PTTG1IP: variants seen among roughly 807,000 people sequenced by gnomAD.
PTTG1IP encodes the protein PTTG1 interacting protein.
Under a neutral mutation model 24.4 loss-of-function variants are expected in PTTG1IP, and 16 were observed. That is an observed-to-expected ratio of 0.66 (90% confidence interval 0.44 to 1.00). The LOEUF (loss-of-function observed/expected upper bound fraction) is 1.00, where lower values mean the gene tolerates loss of function less well. Among genes scored for constraint, PTTG1IP ranks in the 50% least tolerant of loss-of-function variants. The pLI is 0.00. For missense variants in PTTG1IP, 241 were observed against 245.8 expected (o/e 0.98, Z 0.13); for synonymous variants, 89 against 96.8 (o/e 0.92, Z 0.47).
At chr21:44,865,060 G>A (rs577203513) in intron 2 of PTTG1IP, among the ~76,000 whole-genome samples, 4 of 152,272 alleles carry the variant, frequency 2.6e-5, no homozygotes, top group South Asian at 2.1e-4. Context: ...GGGAAAACAC[G>A]GGCTCACAAC....
chr21:44,860,137 G>A (rs1423601491), intron 3 of PTTG1IP, among the ~76,000 whole-genome samples: 1 of 152,190 alleles, frequency 6.6e-6, no homozygotes, highest in East Asian at 1.9e-4. Context: ...GGGAGGCTGA[G>A]GTGGGCAGAT....
At chr21:44,860,896 C>T (rs1000306069) in intron 3 of PTTG1IP, among the ~76,000 whole-genome samples, 1 of 152,118 alleles carries the variant, frequency 6.6e-6, no homozygotes, top group African/African-American at 2.4e-5. Flanking sequence ...CTCCGCCTCC[C>T]GGGTTCAAGC....
chr21:44,867,206 GTC>G (rs2083548561), intron 1 of PTTG1IP, among the ~76,000 whole-genome samples: 1 of 152,210 alleles, frequency 6.6e-6, no homozygotes, highest in African/African-American at 2.4e-5. Flanking sequence ...TGTTTTACGT[GTC>G]TCTCCTTTGG....
At chr21:44,859,406 A>C (rs1392815184) in intron 3 of PTTG1IP, among the ~76,000 whole-genome samples, 1 of 151,576 alleles carries the variant, frequency 6.6e-6, no homozygotes, top group East Asian at 1.9e-4. Context: ...CGTGTGCATT[A>C]TGTAGGCTAT....
At chr21:44,867,129 A>G (rs905498548) in intron 1 of PTTG1IP, among the ~76,000 whole-genome samples, 1 of 152,258 alleles carries the variant, frequency 6.6e-6, no homozygotes, top group African/African-American at 2.4e-5. Context: ...CAGGGCATCA[A>G]GAATAGCAAA....
At chr21:44,873,015 T>C (rs924603633) in intron 1 of PTTG1IP, 4 of 149,956 alleles carry the variant, frequency 2.7e-5, no homozygotes, top group African/African-American at 7.6e-5. Flanking sequence ...CGCCGGCGGC[T>C]GTAGAGACAC....
chr21:44,857,385 GC>G (rs2083457430), intron 3 of PTTG1IP, among the ~76,000 whole-genome samples: 1 of 152,188 alleles, frequency 6.6e-6, no homozygotes, highest in African/African-American at 2.4e-5. Context: ...GACATGGGAG[GC>G]TGAGGTGGGA....
rs549643623 is a variant in PTTG1IP, at chr21:44,858,460, C to T, written c.278-2096G>A. 4.1e-4 allele frequency among the ~76,000 whole-genome samples: 62 copies of T among 152,326 alleles called. 2 individuals are homozygous for T. The East Asian group carries it at 8.1e-3, about 20-fold the overall frequency. Reference sequence around the variant, plus strand: ...AGCTCAGACAGCCTCTTCCTCCTCCCGGCAGGGCCAGGCACACTTTCTGTT... The same window carrying T: ...AGCTCAGACAGCCTCTTCCTCCTCCTGGCAGGGCCAGGCACACTTTCTGTT... On this transcript the variant is annotated intron_variant, in intron 3 of 5. Coordinates refer to ENST00000330938, the MANE Select transcript of PTTG1IP (RefSeq NM_004339.4).
intron 1 of PTTG1IP, among the ~76,000 whole-genome samples, chr21:44,869,335 G>A (rs1267612993): frequency 6.6e-6 from 1 of 152,330 alleles, no homozygotes; most frequent in African/African-American, 2.4e-5. Flanking sequence ...TTATGAAGAA[G>A]AACAGCCTCC....
chr21:44,861,788 C>T lies in PTTG1IP; in HGVS notation c.169-517G>A, dbSNP rs1367546156. 3 of 717,464 alleles carry T rather than the reference C, an allele frequency of 4.2e-6. No homozygotes were observed. The Admixed American group carries it at 6.0e-5, about 14-fold the overall frequency. 44.4% of individuals were successfully genotyped at this position (717,464 alleles called of 1,614,324 possible). A position where few individuals can be genotyped will look rare whatever the true frequency, so the allele number is the denominator to read the frequency against. On this transcript the variant is annotated intron_variant, in intron 2 of 5. Transcript: ENST00000330938. Reference sequence around the variant, plus strand: ...CCACACGCCGGGCACCTGTGCACTTCACTGGCTGAAGTCTCCCAAGAACAC... The same window carrying T: ...CCACACGCCGGGCACCTGTGCACTTTACTGGCTGAAGTCTCCCAAGAACAC...
intron 2 of PTTG1IP, chr21:44,862,019 C>CT (rs1305643093): frequency 1.6e-6 from 1 of 608,080 alleles, no homozygotes; most frequent in East Asian, 2.8e-5. Context: ...ACGCTCTTGT[C>CT]TGAGCCCCTT....
rs999402423 is a variant in PTTG1IP at position 44,873,363 on chromosome 21, G to A, written c.115+139C>T. The A allele has an allele frequency of 1.3e-4, 114 of 887,396 alleles. No individual in the cohort carries two copies. In the African/African-American group the frequency reaches 1.7e-3, roughly 14 times the overall value. 55.0% of individuals were successfully genotyped at this position (887,396 alleles called of 1,614,324 possible). On this transcript the variant is annotated intron_variant, in intron 1 of 5. Coordinates refer to ENST00000330938, the MANE Select transcript of PTTG1IP (RefSeq NM_004339.4). ...CGGGCGTGACCCTCGAGGAGCCTCC[G>A]TCGGGGCGCTGCCTGCGACCGTGGG... is the stretch of plus-strand genomic sequence containing the variant.
intron 5 of PTTG1IP, among the ~76,000 whole-genome samples, chr21:44,854,155 C>G (rs1468537515): frequency 6.6e-6 from 1 of 152,188 alleles, no homozygotes; most frequent in African/African-American, 2.4e-5. Context: ...TGCCGTCCAC[C>G]CCCCACCCGA....
intron 2 of PTTG1IP, among the ~76,000 whole-genome samples, chr21:44,863,686 T>C (rs1481364608): frequency 2.0e-5 from 3 of 152,156 alleles, no homozygotes; most frequent in Admixed American, 1.3e-4. Flanking sequence ...TGACTTCCAA[T>C]AGAAAAATCC....
At chr21:44,857,178 G>C (rs1225502915) in intron 3 of PTTG1IP, among the ~76,000 whole-genome samples, 3 of 152,314 alleles carry the variant, frequency 2.0e-5, no homozygotes, top group Middle Eastern at 3.4e-3. Context: ...CAATCATGTA[G>C]TTCAAACAGC....
intron 2 of PTTG1IP, chr21:44,861,653 C>A: frequency 1.4e-6 from 1 of 708,590 alleles, no homozygotes; most frequent in Non-Finnish European, 2.6e-6. Context: ...CTGTGTGGCT[C>A]CCCACTGACT....
Position 44,849,998 on chromosome 21 carries a change from G to A in PTTG1IP, c.*1583C>T, listed in dbSNP as rs536603575. The A allele has an allele frequency of 6.6e-6, 1 of 152,336 alleles. No homozygotes were observed. The highest frequency in any genetic ancestry group is 1.5e-5 in the Non-Finnish European group (1 of 68,046). 9.4% of individuals were successfully genotyped at this position (152,336 alleles called of 1,614,324 possible). A position where few individuals can be genotyped will look rare whatever the true frequency, so the allele number is the denominator to read the frequency against. The stretch of plus-strand genomic sequence containing the variant: ...AATGCCCAAGAGGTCAGGGAAATCA[G>A]CCTGAAGAACTGGGTACAGGTTCTA... On this transcript the variant is annotated 3_prime_UTR_variant, in exon 6 of 6. Coordinates refer to ENST00000330938, the MANE Select transcript of PTTG1IP (RefSeq NM_004339.4).
rs539864036 is a variant in PTTG1IP, at chr21:44,865,279, A to C, written c.168+116T>G. Reference sequence around the variant, plus strand: ...AACGATTCCAAAAAACATCCCCCCAAATCCCAAACAACAGAGCCCTCCACA... The same window carrying C: ...AACGATTCCAAAAAACATCCCCCCACATCCCAAACAACAGAGCCCTCCACA... On this transcript the variant is annotated intron_variant, in intron 2 of 5. Coordinates refer to ENST00000330938, the MANE Select transcript of PTTG1IP (RefSeq NM_004339.4). 55 of 1,061,540 alleles carry C rather than the reference A, an allele frequency of 5.2e-5. 1 individual carries two copies. The highest frequency in any genetic ancestry group is 4.9e-4 in the African/African-American group (31 of 63,002). The allele number at this position is 1,061,540 out of a possible 1,614,324, so 65.8% of individuals were successfully genotyped here.
chr21:44,857,737 T>C (rs74394781), intron 3 of PTTG1IP, among the ~76,000 whole-genome samples: 2,459 of 152,324 alleles, frequency 0.016, 30 homozygotes, highest in Non-Finnish European at 0.023. Flanking sequence ...CCCCGGACGC[T>C]GAGATCCGCA....
Sources: allele counts gnomAD v4.1 joint callset (sites outside exome capture counted in the v4.1 genomes callset), GRCh38; gene constraint gnomAD v4.1.1; transcripts MANE v1.5; gene names NCBI Gene and HGNC (gene_info 2026-07-23, HGNC 2026-07-21).